COLGALT2: variants seen among roughly 807,000 people sequenced by gnomAD.
The protein encoded by COLGALT2 is procollagen galactosyltransferase 2.
In COLGALT2, 49 loss-of-function variants were observed where a neutral mutation model predicts 73.4. The ratio of observed to expected loss-of-function variants is 0.67; its 90% CI spans 0.53 to 0.85. COLGALT2 has a LOEUF of 0.85. COLGALT2 is among the 40% of genes least tolerant of loss of function. The pLI is 0.00. For missense variants in COLGALT2, 722 were observed against 790.2 expected (o/e 0.91, Z 1.03); for synonymous variants, 295 against 307.6 (o/e 0.96, Z 0.43).
At chr1:184,036,651 T>C (rs1436554226) in intron 1 of COLGALT2, among the ~76,000 whole-genome samples, 1 of 152,198 alleles carries the variant, frequency 6.6e-6, no homozygotes, top group Non-Finnish European at 1.5e-5. Context: ...CCAACCGCAG[T>C]TACGTTCCAT....
At chr1:183,973,821 C>T in intron 3 of COLGALT2, 71 bp from the exon 4 acceptor site, 1 of 1,431,616 alleles carries the variant, frequency 7.0e-7, no homozygotes, top group South Asian at 1.3e-5. Flanking sequence ...TAACCCAGCC[C>T]TTCTGAAGGA....
In COLGALT2 at chr1:184,012,911, G is replaced by T. The variant is rs966165009; in HGVS notation, c.263+24184C>A. Among the ~76,000 whole-genome samples the T allele has an allele frequency of 1.2e-4, 18 of 152,330 alleles. 1 individual carries two copies. In the Middle Eastern group the frequency reaches 0.024, roughly 201 times the overall value. Reference sequence around the variant, plus strand: ...TATTTACCGAGCAGCTTCCTATAAGGCACCTCAGTGCTAGAACCTGGAGAT... The same window carrying T: ...TATTTACCGAGCAGCTTCCTATAAGTCACCTCAGTGCTAGAACCTGGAGAT... On this transcript the variant is annotated intron_variant, in intron 1 of 11. Transcript: ENST00000361927.
At chr1:183,959,644 C>G (rs1670643684) in intron 6 of COLGALT2, among the ~76,000 whole-genome samples, 1 of 151,952 alleles carries the variant, frequency 6.6e-6, no homozygotes, top group Admixed American at 6.6e-5. Flanking sequence ...AGGTACTGGT[C>G]CCCTACAATC....
In COLGALT2 at chr1:184,001,373, T is replaced by C. The variant is rs1671920997; in HGVS notation, c.264-22853A>G. On this transcript the variant is annotated intron_variant, in intron 1 of 11. Coordinates refer to ENST00000361927, the MANE Select transcript of COLGALT2 (RefSeq NM_015101.4). ...AATCTGGATCTGAAGATTGGTATCTTTTATAGATTTTGGAAAATTCTTACC... is the reference window on the plus strand; with the variant it reads ...AATCTGGATCTGAAGATTGGTATCTCTTATAGATTTTGGAAAATTCTTACC... Among the ~76,000 whole-genome samples the C allele has an allele frequency of 2.6e-5, 4 of 152,298 alleles. No homozygotes were observed. The South Asian group carries it at 8.3e-4, about 32-fold the overall frequency.
intron 1 of COLGALT2, among the ~76,000 whole-genome samples, chr1:184,022,188 T>C (rs1013193211): frequency 4.6e-5 from 7 of 152,348 alleles, no homozygotes; most frequent in African/African-American, 1.7e-4. Context: ...TTCTCCCAAT[T>C]ATTTCAGATA....
At chr1:183,980,596 G>A (rs1023485380) in intron 1 of COLGALT2, among the ~76,000 whole-genome samples, 1 of 152,110 alleles carries the variant, frequency 6.6e-6, no homozygotes, top group African/African-American at 2.4e-5. Context: ...CTAGGCTCAT[G>A]TGTTTTTACA....
In COLGALT2 at chr1:183,938,168, C is replaced by T; in HGVS notation, c.*593G>A. The T allele has an allele frequency of 8.1e-6, 8 of 985,974 alleles. No individual in the cohort carries two copies. The highest frequency in any genetic ancestry group is 1.7e-5 in the African/African-American group (1 of 57,212). The allele number at this position is 985,974 out of a possible 1,614,324, so 61.1% of individuals were successfully genotyped here. ...GCCAAGTCTCAGTCGGACCCAAATA[C>T]CCACCCCTACTGGATAACAGGGACT... On this transcript the variant is annotated 3_prime_UTR_variant, in exon 12 of 12. Coordinates refer to ENST00000361927, the MANE Select transcript of COLGALT2 (RefSeq NM_015101.4).
At chr1:183,958,028 G>T (rs1266889468) in intron 6 of COLGALT2, among the ~76,000 whole-genome samples, 1 of 152,014 alleles carries the variant, frequency 6.6e-6, no homozygotes, top group Non-Finnish European at 1.5e-5. Flanking sequence ...ATGCTTTATA[G>T]ACCATTTAAA....
chr1:183,985,001 T>TG (rs539088457), intron 1 of COLGALT2, among the ~76,000 whole-genome samples: 17 of 144,792 alleles, frequency 1.2e-4, no homozygotes, highest in Admixed American at 2.2e-4. Context: ...TGCTTGGCTG[T>TG]GGAAAAAAAA....
chr1:183,941,504 T>A (rs544209429), intron 10 of COLGALT2, among the ~76,000 whole-genome samples: 9 of 152,238 alleles, frequency 5.9e-5, no homozygotes, highest in African/African-American at 2.2e-4. Context: ...AGTCTACCCA[T>A]GGATCTGTGC....
intron 6 of COLGALT2, among the ~76,000 whole-genome samples, chr1:183,956,535 T>C (rs1670559899): frequency 6.6e-6 from 1 of 152,174 alleles, no homozygotes; most frequent in Admixed American, 6.5e-5. Flanking sequence ...CTGTTCATGA[T>C]ATTGTCTGAG....
chr1:184,025,739 C>T (rs556927907), intron 1 of COLGALT2, among the ~76,000 whole-genome samples: 1 of 152,198 alleles, frequency 6.6e-6, no homozygotes, highest in African/African-American at 2.4e-5. Context: ...TAGCAAACAC[C>T]TTTCGCACAG....
At chr1:183,945,816 T>G in intron 8 of COLGALT2, 1 of 500,592 alleles carries the variant, frequency 2.0e-6, no homozygotes. Flanking sequence ...CATCATCAGT[T>G]TTTTGACAAG....
chr1:183,936,996 G>A lies in COLGALT2; in HGVS notation c.*1765C>T. The A allele has an allele frequency of 8.1e-7, 1 of 1,231,746 alleles. No homozygotes were observed. Among genetic ancestry groups the A allele is most frequent in the East Asian group, 3.2e-5 (1 of 31,710 alleles). 76.3% of individuals were successfully genotyped at this position (1,231,746 alleles called of 1,614,324 possible). ...TACCTATTTGGTGATGAGACAGCTTGGTGATCACTTTCTCTAGACTCTGAG... is the reference window on the plus strand; with the variant it reads ...TACCTATTTGGTGATGAGACAGCTTAGTGATCACTTTCTCTAGACTCTGAG... On this transcript the variant is annotated 3_prime_UTR_variant, in exon 12 of 12. Coordinates refer to ENST00000361927, the MANE Select transcript of COLGALT2 (RefSeq NM_015101.4).
rs1279935075 is a variant in COLGALT2, at chr1:183,938,870, T to C, written c.1772A>G (p.His591Arg). 6.2e-7 allele frequency: 1 copy of C among 1,614,192 alleles called. No individual in the cohort carries two copies. The highest frequency in any genetic ancestry group is 1.7e-5 in the Admixed American group (1 of 60,032). The change falls in exon 12 of 12, where the codon CAT (histidine) becomes CGT (arginine). Residue 591 changes from histidine (H) to arginine (R), a missense_variant. By Grantham distance (29) the His-to-Arg change is conservative (BLOSUM62 0). Coordinates refer to ENST00000361927, the MANE Select transcript of COLGALT2 (RefSeq NM_015101.4). ...GCTTTGCTTCCGGGACTTCCAGGCA[T>C]GTGTCCTATCCCAGTCGGTGGCCAC... ...ETVATDWDRTHAWKSRKQSRI... is the reference protein window; with the variant it reads ...ETVATDWDRTRAWKSRKQSRI...
chr1:183,975,273 T>G, intron 2 of COLGALT2, 59 bp from the exon 3 acceptor site: 1 of 990,334 alleles, frequency 1.0e-6, no homozygotes, highest in Non-Finnish European at 1.6e-6. Context: ...GGCTCTGTCC[T>G]AAATGTTTAT....
At chr1:184,033,353 C>T (rs534296225) in intron 1 of COLGALT2, among the ~76,000 whole-genome samples, 1 of 152,208 alleles carries the variant, frequency 6.6e-6, no homozygotes, top group Non-Finnish European at 1.5e-5. Context: ...TACCACTTGT[C>T]ACAATGCCTC....
chr1:184,031,069 G>T (rs976633510), intron 1 of COLGALT2, among the ~76,000 whole-genome samples: 2 of 152,168 alleles, frequency 1.3e-5, no homozygotes, highest in Non-Finnish European at 2.9e-5. Context: ...AATATTCTGA[G>T]CTCCAATCAT....
chr1:183,973,849 T>C, intron 3 of COLGALT2, 99 bp from the exon 4 acceptor site: 4 of 1,150,836 alleles, frequency 3.5e-6, no homozygotes, highest in Non-Finnish European at 5.0e-6. Flanking sequence ...AACTTGCTCA[T>C]GACATATGGA....
Sources: gnomAD v4.1 joint callset for allele counts (sites outside exome capture counted in the v4.1 genomes callset) on GRCh38, gnomAD v4.1.1 for gene constraint, MANE v1.5 for transcripts, NCBI Gene and HGNC (gene_info 2026-07-23, HGNC 2026-07-21) for gene names.